PRLR: variants seen among roughly 807,000 people sequenced by gnomAD.
PRLR encodes the protein hPRL receptor.
A neutral mutation model predicts 40.2 loss-of-function variants in PRLR; 13 were observed. The ratio of observed to expected loss-of-function variants is 0.32; its 90% CI spans 0.21 to 0.51. The LOEUF (loss-of-function observed/expected upper bound fraction) is 0.51. Among genes scored for constraint, PRLR ranks in the 20% least tolerant of loss-of-function variants. The pLI is 0.97. For synonymous variants in PRLR, 269 were observed against 278.7 expected, an observed-to-expected ratio of 0.97 and a Z score of 0.35; for missense variants, 656 against 747.3, an observed-to-expected ratio of 0.88 and a Z score of 1.42.
rs1262608030 is a variant in PRLR at position 35,061,866 on chromosome 5, CA to C, written c.*3222del. 1.3e-5 allele frequency: 2 copies of C among 151,988 alleles called. No individual in the cohort carries two copies. Among genetic ancestry groups the C allele is most frequent in the Non-Finnish European group, 2.9e-5 (2 of 67,986 alleles). 9.4% of individuals were successfully genotyped at this position (151,988 alleles called of 1,614,324 possible). ...TGGTGCAAGGAAAAAAATTAACAGC[CA>C]AATATAAGAAAAGAGATTTGGGGCT... On this transcript the variant is annotated 3_prime_UTR_variant, in exon 10 of 10. Coordinates refer to ENST00000618457, the MANE Select transcript of PRLR (RefSeq NM_000949.7).
intron 1 of PRLR, among the ~76,000 whole-genome samples, chr5:35,141,840 T>C (rs1220926977): frequency 1.3e-5 from 2 of 152,172 alleles, no homozygotes; most frequent in African/African-American, 4.8e-5. Flanking sequence ...GCCATGCCCC[T>C]GGACCACTCT....
At chr5:35,104,934 C>T (rs923162055) in intron 2 of PRLR, among the ~76,000 whole-genome samples, 1 of 152,260 alleles carries the variant, frequency 6.6e-6, no homozygotes, top group African/African-American at 2.4e-5. Context: ...AAGTGGGTCC[C>T]TGACCCCCGA....
At chr5:35,138,586 T>A (rs533428782) in intron 1 of PRLR, among the ~76,000 whole-genome samples, 1 of 152,240 alleles carries the variant, frequency 6.6e-6, no homozygotes, top group Non-Finnish European at 1.5e-5. Context: ...AACTGTGTGA[T>A]TGAGAAAAAC....
At chr5:35,086,587 G>A (rs1350643430) in intron 3 of PRLR, among the ~76,000 whole-genome samples, 1 of 151,504 alleles carries the variant, frequency 6.6e-6, no homozygotes, top group Non-Finnish European at 1.5e-5. Flanking sequence ...GTGTGTGTGT[G>A]TCTGTGTACT....
chr5:35,083,775 C>A (rs1770676754), intron 5 of PRLR, among the ~76,000 whole-genome samples: 4 of 143,268 alleles, frequency 2.8e-5, no homozygotes, highest in Admixed American at 2.1e-4. Context: ...GTCTTAGCCT[C>A]CCAAAGTACT....
chr5:35,229,616 A>G (rs1289426077), intron 1 of PRLR, among the ~76,000 whole-genome samples: 1 of 151,798 alleles, frequency 6.6e-6, no homozygotes, highest in Non-Finnish European at 1.5e-5. Context: ...CCGGGCTGCA[A>G]TTCCTCTGCC....
chr5:35,215,355 A>T (rs909276649), intron 1 of PRLR, among the ~76,000 whole-genome samples: 1 of 152,156 alleles, frequency 6.6e-6, no homozygotes, highest in Non-Finnish European at 1.5e-5. Flanking sequence ...CAGACTCAAC[A>T]CTTGCCCCAC....
chr5:35,192,162 G>T (rs1035722370), intron 1 of PRLR, among the ~76,000 whole-genome samples: 2 of 152,138 alleles, frequency 1.3e-5, no homozygotes, highest in African/African-American at 4.8e-5. Flanking sequence ...TCTTTGTATT[G>T]CCAAGACCTA....
intron 1 of PRLR, among the ~76,000 whole-genome samples, chr5:35,226,033 G>A (rs1456923167): frequency 2.6e-5 from 4 of 152,160 alleles, no homozygotes; most frequent in Non-Finnish European, 4.4e-5. Flanking sequence ...TCTGGGGTGC[G>A]TTGTACATTT....
intron 1 of PRLR, among the ~76,000 whole-genome samples, chr5:35,127,886 T>C (rs1773523680): frequency 6.6e-6 from 1 of 152,138 alleles, no homozygotes; most frequent in Non-Finnish European, 1.5e-5. Flanking sequence ...ATTGCTGTCA[T>C]GTACTTCTTG....
At chr5:35,191,899 TGCAGTGG>T (rs1036268159) in intron 1 of PRLR, among the ~76,000 whole-genome samples, 1 of 152,226 alleles carries the variant, frequency 6.6e-6, no homozygotes. Flanking sequence ...CCTTTGCTCT[TGCAGTGG>T]GCTTCTTCTG....
intron 1 of PRLR, among the ~76,000 whole-genome samples, chr5:35,228,285 A>G (rs1302546522): frequency 2.6e-5 from 4 of 151,162 alleles, no homozygotes; most frequent in Non-Finnish European, 5.9e-5. Context: ...TGACAGGAAA[A>G]GTGAAGCTCA....
chr5:35,144,826 A>G (rs961261919), intron 1 of PRLR, among the ~76,000 whole-genome samples: 14 of 152,050 alleles, frequency 9.2e-5, no homozygotes, highest in Non-Finnish European at 1.9e-4. Context: ...GCTGAACTTC[A>G]AGTCCTGGTC....
intron 1 of PRLR, among the ~76,000 whole-genome samples, chr5:35,190,646 G>A (rs6887898): frequency 0.9 from 136,812 of 152,196 alleles, 62,322 homozygotes; most frequent in African/African-American, 0.97. Context: ...TTTGGCCTAA[G>A]CAATCAGTTG....
rs76361637 is a variant in PRLR, at chr5:35,137,674, A to G, written c.-105-19552T>C. Among the ~76,000 whole-genome samples the G allele has an allele frequency of 2.4e-3, 366 of 152,354 alleles. 3 individuals are homozygous for G. Among genetic ancestry groups the G allele is most frequent in the African/African-American group, 8.5e-3 (354 of 41,588 alleles). ...AAGAAGCATTCAGTCATTAAATAAC[A>G]AGGCAAGACAAGAAAAGAGATATGG... On this transcript the variant is annotated intron_variant, in intron 1 of 9. Coordinates refer to ENST00000618457, the MANE Select transcript of PRLR (RefSeq NM_000949.7).
intron 1 of PRLR, among the ~76,000 whole-genome samples, chr5:35,159,125 C>A (rs531522096): frequency 3.3e-5 from 5 of 151,986 alleles, no homozygotes; most frequent in Admixed American, 6.6e-5. Context: ...AAAAGCAATA[C>A]GAATCAGGGT....
chr5:35,156,481 T>G (rs1774510459), intron 1 of PRLR, among the ~76,000 whole-genome samples: 2 of 152,174 alleles, frequency 1.3e-5, no homozygotes, highest in Admixed American at 6.5e-5. Context: ...AAAGTCAAAG[T>G]TATACAATGA....
At chr5:35,172,481 C>T (rs1326236346) in intron 1 of PRLR, among the ~76,000 whole-genome samples, 1 of 152,208 alleles carries the variant, frequency 6.6e-6, no homozygotes, top group Non-Finnish European at 1.5e-5. Context: ...GCCCTTTCTA[C>T]AGAACTCTCC....
At chr5:35,195,032 T>G (rs1005279858) in intron 1 of PRLR, 5 of 152,220 alleles carry the variant, frequency 3.3e-5, no homozygotes, top group Admixed American at 2.0e-4. Context: ...CTGTACTTTC[T>G]GTTCAATTTT....
Sources: gnomAD v4.1 joint callset for allele counts (sites outside exome capture counted in the v4.1 genomes callset) on GRCh38, gnomAD v4.1.1 for gene constraint, MANE v1.5 for transcripts, NCBI Gene and HGNC (gene_info 2026-07-23, HGNC 2026-07-21) for gene names.